Variants in SH3BP5 observed in about 807,000 individuals in gnomAD.
SH3BP5 encodes SH3 domain-binding protein 5.
SH3BP5 carries 22 observed loss-of-function variants against 43.3 expected under a neutral mutation model. That is an observed-to-expected ratio of 0.51 (90% CI 0.36 to 0.73). SH3BP5 has a LOEUF of 0.73. SH3BP5 is among the 30% of genes least tolerant of loss of function. The pLI, the probability that SH3BP5 is intolerant of heterozygous loss-of-function variation, is 0.00. For synonymous variants in SH3BP5, 255 were observed against 225.8 expected (o/e 1.13, Z -1.16); for missense variants, 529 against 586.9 (o/e 0.90, Z 1.02).
At chr3:15,272,036 T>A (rs1427047713) in intron 3 of SH3BP5, among the ~76,000 whole-genome samples, 3 of 152,096 alleles carry the variant, frequency 2.0e-5, no homozygotes, top group Admixed American at 6.5e-5. Context: ...AGGCAGCCCC[T>A]GGGACTCGGG....
intron 2 of SH3BP5, among the ~76,000 whole-genome samples, chr3:15,311,716 C>T (rs1698063543): frequency 6.6e-6 from 1 of 151,984 alleles, no homozygotes; most frequent in South Asian, 2.1e-4. Flanking sequence ...TCTCTGTTAC[C>T]CAAGCTGGAT....
At chr3:15,315,624 T>C (rs1698166226) in intron 2 of SH3BP5, among the ~76,000 whole-genome samples, 1 of 152,172 alleles carries the variant, frequency 6.6e-6, no homozygotes, top group African/African-American at 2.4e-5. Context: ...GTAGAACCAA[T>C]TCCCTCCTAG....
In SH3BP5 at chr3:15,262,176, T is replaced by G; in HGVS notation, c.609A>C (p.Arg203Ser). Reference sequence around the variant, plus strand: ...AGACTTACTTGGACTTGTTGATGGCTCTCTTGAGTTTCTTCTCCAGCTGTC... The same window carrying G: ...AGACTTACTTGGACTTGTTGATGGCGCTCTTGAGTTTCTTCTCCAGCTGTC... Reference protein sequence around the residue: ...RMRQLEKKLKRAINKSKPYFE... With the variant: ...RMRQLEKKLKSAINKSKPYFE... The change falls in exon 5 of 9, where the codon AGA becomes AGC. Residue 203 changes from arginine to serine, a missense_variant. Coordinates refer to ENST00000383791, the MANE Select transcript of SH3BP5 (RefSeq NM_004844.5). 2 of 1,614,040 alleles carry G rather than the reference T, an allele frequency of 1.2e-6. No individual in the cohort carries two copies. Among genetic ancestry groups the G allele is most frequent in the Non-Finnish European group, 8.5e-7 (1 of 1,179,984 alleles).
intron 3 of SH3BP5, among the ~76,000 whole-genome samples, chr3:15,277,260 C>T (rs1030743900): frequency 7.9e-5 from 12 of 152,184 alleles, no homozygotes; most frequent in African/African-American, 2.7e-4. Flanking sequence ...GGGTGAGCCA[C>T]CACACCCAGC....
At chr3:15,266,463 T>A (rs1308957927) in intron 4 of SH3BP5, among the ~76,000 whole-genome samples, 3 of 152,236 alleles carry the variant, frequency 2.0e-5, no homozygotes, top group African/African-American at 7.2e-5. Flanking sequence ...CTGAGCTCTT[T>A]CAGCAGACAT....
intron 1 of SH3BP5, chr3:15,332,021 G>T (rs1018864462): frequency 3.6e-5 from 19 of 534,814 alleles, no homozygotes; most frequent in Non-Finnish European, 5.8e-5. Flanking sequence ...ACGCTGCACC[G>T]ACCCCGATCC....
rs1040345172 is a variant in SH3BP5, at chr3:15,332,430, C to T, written c.-22G>A. ...CCATGCAGGCAGCCGGCACGCGCGCCGCGCAGTGGGCTCCGGAGCGCCCCG... is the reference window on the plus strand; with the variant it reads ...CCATGCAGGCAGCCGGCACGCGCGCTGCGCAGTGGGCTCCGGAGCGCCCCG... On this transcript the variant is annotated 5_prime_UTR_variant, in exon 1 of 9. Transcript: ENST00000383791. 1 of 1,527,192 alleles carries T rather than the reference C, an allele frequency of 6.5e-7. No homozygotes were observed. The highest frequency in any genetic ancestry group is 8.8e-7 in the Non-Finnish European group (1 of 1,142,578). The allele number at this position is 1,527,192 out of a possible 1,614,324, so 94.6% of individuals were successfully genotyped here. A position where few individuals can be genotyped will look rare whatever the true frequency, so the allele number is the denominator to read the frequency against.
chr3:15,273,772 G>C (rs1696882621), intron 3 of SH3BP5, among the ~76,000 whole-genome samples: 2 of 152,330 alleles, frequency 1.3e-5, no homozygotes, highest in South Asian at 4.1e-4. Flanking sequence ...CCTCTGGTAA[G>C]TGACAGCTAA....
chr3:15,270,925 CAA>C (rs36096504), intron 3 of SH3BP5, among the ~76,000 whole-genome samples: 17 of 98,362 alleles, frequency 1.7e-4, no homozygotes, highest in African/African-American at 5.0e-4. Context: ...GACTCCATCT[CAA>C]AAAAAAAAAA....
At chr3:15,292,590 T>G (rs567410372) in intron 3 of SH3BP5, among the ~76,000 whole-genome samples, 1 of 152,304 alleles carries the variant, frequency 6.6e-6, no homozygotes, top group East Asian at 1.9e-4. Flanking sequence ...GGCTCATGCC[T>G]GTAATCCCAG....
chr3:15,255,172 TAACTTTAAAG>T lies in SH3BP5; in HGVS notation c.*904_*913del, dbSNP rs1696150127. On this transcript the variant is annotated 3_prime_UTR_variant, in exon 9 of 9. Transcript: ENST00000383791. The stretch of plus-strand genomic sequence containing the variant: ...ACACATGCCTGCCTACTCCCTTTCC[TAACTTTAAAG>T]AACTGTTTCCTCTAAGGAATACTAG... 6.5e-6 allele frequency: 1 copy of T among 152,674 alleles called. No homozygotes were observed. Among genetic ancestry groups the T allele is most frequent in the Non-Finnish European group, 1.5e-5 (1 of 68,048 alleles). 9.5% of individuals were successfully genotyped at this position (152,674 alleles called of 1,614,324 possible).
chr3:15,289,374 T>A (rs774259892), intron 3 of SH3BP5, among the ~76,000 whole-genome samples: 5 of 152,196 alleles, frequency 3.3e-5, no homozygotes, highest in Non-Finnish European at 7.3e-5. Context: ...CCTCATTTCC[T>A]CCTTCTGTCC....
chr3:15,299,063 G>C (rs1399752132), intron 3 of SH3BP5, among the ~76,000 whole-genome samples: 1 of 152,230 alleles, frequency 6.6e-6, no homozygotes, highest in East Asian at 1.9e-4. Flanking sequence ...GGTTGGGACT[G>C]ATAGTGATAA....
At chr3:15,301,690 GCCAAACAGAGGGACACCA>G (rs1697757796) in intron 3 of SH3BP5, among the ~76,000 whole-genome samples, 1 of 151,992 alleles carries the variant, frequency 6.6e-6, no homozygotes, top group Non-Finnish European at 1.5e-5. Context: ...CCAGGACATC[GCCAAACAGAGGGACACCA>G]CCAAACAGAG....
intron 2 of SH3BP5, among the ~76,000 whole-genome samples, chr3:15,307,562 A>C (rs1422588027): frequency 6.6e-6 from 1 of 152,248 alleles, no homozygotes; most frequent in Non-Finnish European, 1.5e-5. Context: ...TACAAATGTA[A>C]AACATTTAAC....
At chr3:15,260,418 G>A (rs17040925) in intron 5 of SH3BP5, 7,412 of 155,760 alleles carry the variant, frequency 0.048, 614 homozygotes, top group African/African-American at 0.17. Flanking sequence ...CAGTTCCCTT[G>A]GTTCTGGGTC....
chr3:15,325,078 T>G (rs534651326), intron 2 of SH3BP5, among the ~76,000 whole-genome samples: 1 of 152,184 alleles, frequency 6.6e-6, no homozygotes, highest in Non-Finnish European at 1.5e-5. Context: ...CAGCCCACTT[T>G]CAGAGCAAGC....
intron 4 of SH3BP5, among the ~76,000 whole-genome samples, chr3:15,262,732 T>C (rs2125050661): frequency 6.6e-6 from 1 of 152,012 alleles, no homozygotes; most frequent in Admixed American, 6.5e-5. Context: ...CTGAGGTGGG[T>C]GGATCGCCTA....
At chr3:15,295,561 C>T (rs1209833520) in intron 3 of SH3BP5, among the ~76,000 whole-genome samples, 2 of 152,140 alleles carry the variant, frequency 1.3e-5, no homozygotes, top group African/African-American at 4.8e-5. Context: ...CTGTGATGCG[C>T]CTTATGGAGA....
Sources: allele counts gnomAD v4.1 joint callset (sites outside exome capture counted in the v4.1 genomes callset), GRCh38; gene constraint gnomAD v4.1.1; transcripts MANE v1.5; gene names NCBI Gene and HGNC (gene_info 2026-07-23, HGNC 2026-07-21).